The following SPMAP2L variants were observed in gnomAD, a reference collection of about 807,000 sequenced individuals.
SPMAP2L encodes sperm microtubule associated protein 2 like, also known as sperm microtubule associated protein 2-like.
At chr4:56,579,803 C>A in the SPMAP2L span, among the ~76,000 whole-genome samples, 3 of 151,982 alleles carry the variant, frequency 2.0e-5, no homozygotes, top group Non-Finnish European at 4.4e-5. Flanking sequence ...AATGAGAAAA[C>A]AAACAAATAA....
the SPMAP2L span, among the ~76,000 whole-genome samples, chr4:56,586,712 G>A: frequency 6.6e-6 from 1 of 152,198 alleles, no homozygotes; most frequent in African/African-American, 2.4e-5. Context: ...CTAATATGGA[G>A]TGTCTCAAGG....
At chr4:56,544,252 G>T in the SPMAP2L span, among the ~76,000 whole-genome samples, 1 of 152,102 alleles carries the variant, frequency 6.6e-6, no homozygotes, top group African/African-American at 2.4e-5. Flanking sequence ...GCCTCCCAAA[G>T]TGCTGGGATT....
At chr4:56,534,013 C>A in the SPMAP2L span, among the ~76,000 whole-genome samples, 1 of 152,058 alleles carries the variant, frequency 6.6e-6, no homozygotes, top group African/African-American at 2.4e-5. Context: ...CAGCAAAATG[C>A]ACAATAACTC....
chr4:56,531,265 C>T, the SPMAP2L span: 21 of 1,417,774 alleles, frequency 1.5e-5, no homozygotes, highest in Admixed American at 5.0e-4. Context: ...ACCGGGGGTC[C>T]TAAGGTGGAG....
the SPMAP2L span, chr4:56,530,788 A>C: frequency 6.5e-7 from 1 of 1,535,442 alleles, no homozygotes; most frequent in South Asian, 1.2e-5. Flanking sequence ...CATTGTGCTC[A>C]GGATTCTCGA....
chr4:56,590,587 A>C, the SPMAP2L span, among the ~76,000 whole-genome samples: 1,032 of 152,326 alleles, frequency 6.8e-3, 12 homozygotes, highest in African/African-American at 0.023. Context: ...CTTCAGCCTC[A>C]CAAACTGCTG....
chr4:56,611,757 G>C, the SPMAP2L span, among the ~76,000 whole-genome samples: 1 of 152,066 alleles, frequency 6.6e-6, no homozygotes, highest in Non-Finnish European at 1.5e-5. Context: ...TGCTTTATTG[G>C]TGCCTATGTT....
chr4:56,538,211 T>C, the SPMAP2L span, among the ~76,000 whole-genome samples: 77,891 of 149,468 alleles, frequency 0.52, 20,485 homozygotes, highest in East Asian at 0.64. Flanking sequence ...ACATCCCCTA[T>C]CACTCGCCCT....
chr4:56,603,624 G>A, the SPMAP2L span: 1 of 228,822 alleles, frequency 4.4e-6, no homozygotes, highest in Non-Finnish European at 8.5e-6. Flanking sequence ...TAGCTGACCT[G>A]AAGAAACACT....
chr4:56,571,189 C>G, the SPMAP2L span, among the ~76,000 whole-genome samples: 62 of 151,740 alleles, frequency 4.1e-4, no homozygotes, highest in African/African-American at 1.5e-3. Flanking sequence ...AAAACACAAA[C>G]ACATTATACA....
At chr4:56,594,793 C>A in the SPMAP2L span, 2 of 1,522,784 alleles carry the variant, frequency 1.3e-6, no homozygotes, top group African/African-American at 1.4e-5. Flanking sequence ...ACATCAGTGA[C>A]GTGTGTGACC....
the SPMAP2L span, among the ~76,000 whole-genome samples, chr4:56,607,523 T>C: frequency 6.6e-6 from 1 of 152,118 alleles, no homozygotes; most frequent in Admixed American, 6.5e-5. Flanking sequence ...GCTTTGGAAC[T>C]GGTAATGGAC....
chr4:56,530,653 G>A, the SPMAP2L span: 1 of 1,527,022 alleles, frequency 6.5e-7, no homozygotes, highest in Non-Finnish European at 8.8e-7. Context: ...TGAGTCCCGC[G>A]CGCGACAGAA....
the SPMAP2L span, among the ~76,000 whole-genome samples, chr4:56,579,940 A>C: frequency 6.6e-6 from 1 of 152,214 alleles, no homozygotes; most frequent in Non-Finnish European, 1.5e-5. Flanking sequence ...TGAATTAATA[A>C]AAAGCTTCCT....
chr4:56,582,705 A>T, the SPMAP2L span, among the ~76,000 whole-genome samples: 4 of 152,152 alleles, frequency 2.6e-5, no homozygotes, highest in African/African-American at 9.7e-5. Flanking sequence ...CAGCAATTAG[A>T]CTCCTAGACA....
the SPMAP2L span, among the ~76,000 whole-genome samples, chr4:56,558,207 A>T: frequency 6.6e-6 from 1 of 152,226 alleles, no homozygotes; most frequent in South Asian, 2.1e-4. Context: ...ATCGCAGGTG[A>T]TCCACCTGCC....
chr4:56,539,186 C>A, the SPMAP2L span, among the ~76,000 whole-genome samples: 3 of 151,952 alleles, frequency 2.0e-5, no homozygotes, highest in Non-Finnish European at 4.4e-5. Context: ...CTAATCATCA[C>A]TGTTATTGCT....
At chr4:56,603,634 T>C in the SPMAP2L span, 23 of 212,654 alleles carry the variant, frequency 1.1e-4, no homozygotes, top group African/African-American at 5.2e-4. Flanking sequence ...GAAGAAACAC[T>C]CTTCCTTATA....
the SPMAP2L span, chr4:56,548,773 CT>C: frequency 1.3e-6 from 2 of 1,483,412 alleles, no homozygotes; most frequent in Non-Finnish European, 1.8e-6. Context: ...TTTGCTTTTA[CT>C]TTTGTTTTCT....
Sources: allele counts gnomAD v4.1 joint callset (sites outside exome capture counted in the v4.1 genomes callset), GRCh38; gene constraint gnomAD v4.1.1; transcripts MANE v1.5; gene names NCBI Gene and HGNC (gene_info 2026-07-23, HGNC 2026-07-21).